VPS13B: variants seen among roughly 807,000 people sequenced by gnomAD.
VPS13B encodes the protein vacuolar protein sorting 13 homolog B, also known as intermembrane lipid transfer protein VPS13B.
A neutral mutation model predicts 426.4 loss-of-function variants in VPS13B; 285 were observed. The ratio of observed to expected loss-of-function variants is 0.67; its 90% confidence interval spans 0.61 to 0.74. The LOEUF (loss-of-function observed/expected upper bound fraction) is 0.74, where lower values mean the gene tolerates loss of function less well. Ranked by LOEUF, VPS13B falls within the 30% of genes least tolerant of loss-of-function variation. VPS13B has a pLI of 0.00. For missense variants in VPS13B, 4,537 were observed against 4,782.6 expected (o/e 0.95, Z 1.51); for synonymous variants, 1,676 against 1,676.4 (o/e 1.00, Z 0.01).
chr8:99,335,120 TC>T (rs771709049), intron 19 of VPS13B, among the ~76,000 whole-genome samples: 111 of 152,222 alleles, frequency 7.3e-4, no homozygotes, highest in Non-Finnish European at 1.2e-3. Flanking sequence ...ATCCATTTCT[TC>T]TAGATTTTCT....
chr8:99,652,318 G>A (rs183333256), intron 34 of VPS13B, among the ~76,000 whole-genome samples: 23 of 152,168 alleles, frequency 1.5e-4, no homozygotes, highest in African/African-American at 5.5e-4. Flanking sequence ...GAATAATACT[G>A]GTAGCAGCCT....
intron 23 of VPS13B, among the ~76,000 whole-genome samples, chr8:99,458,636 T>C (rs1818652455): frequency 6.6e-6 from 1 of 152,358 alleles, no homozygotes; most frequent in South Asian, 2.1e-4. Flanking sequence ...TGGTATCTCA[T>C]TGTGGTTTTG....
intron 43 of VPS13B, among the ~76,000 whole-genome samples, chr8:99,797,888 A>G (rs1812933185): frequency 1.3e-5 from 2 of 152,172 alleles, no homozygotes; most frequent in South Asian, 2.1e-4. Flanking sequence ...AATTTGCCAC[A>G]TATTGTCTTT....
chr8:99,186,434 A>G (rs1813225389), intron 16 of VPS13B, among the ~76,000 whole-genome samples: 1 of 152,082 alleles, frequency 6.6e-6, no homozygotes, highest in African/African-American at 2.4e-5. Context: ...TTTGAGGTGA[A>G]TATGGTATAA....
intron 13 of VPS13B, among the ~76,000 whole-genome samples, chr8:99,143,806 C>T (rs888671610): frequency 1.3e-5 from 2 of 152,234 alleles, no homozygotes; most frequent in South Asian, 2.1e-4. Flanking sequence ...CTCTACAATA[C>T]GTTTAGTTAC....
intron 17 of VPS13B, among the ~76,000 whole-genome samples, chr8:99,244,337 A>T (rs1319921497): frequency 1.3e-5 from 2 of 152,250 alleles, no homozygotes; most frequent in Non-Finnish European, 2.9e-5. Context: ...ACTGGTATTA[A>T]AAAAGCAATG....
chr8:99,100,053 T>C (rs982891543), intron 4 of VPS13B, among the ~76,000 whole-genome samples: 13 of 152,318 alleles, frequency 8.5e-5, no homozygotes, highest in African/African-American at 2.9e-4. Flanking sequence ...TTAGATCTAC[T>C]TGACACTATC....
chr8:99,550,615 CTCTT>C (rs1315978203), intron 30 of VPS13B, among the ~76,000 whole-genome samples: 1 of 151,372 alleles, frequency 6.6e-6, no homozygotes, highest in Admixed American at 6.6e-5. Context: ...ATATCCTTCC[CTCTT>C]TCTTTTAGTT....
intron 17 of VPS13B, among the ~76,000 whole-genome samples, chr8:99,239,933 A>G (rs2132882770): frequency 6.6e-6 from 1 of 152,332 alleles, no homozygotes; most frequent in South Asian, 2.1e-4. Flanking sequence ...TTAAAATAAT[A>G]CTTAATAAAG....
intron 33 of VPS13B, among the ~76,000 whole-genome samples, chr8:99,603,515 G>A (rs1827422620): frequency 6.6e-6 from 1 of 152,156 alleles, no homozygotes; most frequent in African/African-American, 2.4e-5. Context: ...AGGGTTACTT[G>A]AACACAGCAC....
chr8:99,452,806 G>C (rs1818265179), intron 23 of VPS13B, among the ~76,000 whole-genome samples: 1 of 152,132 alleles, frequency 6.6e-6, no homozygotes, highest in Non-Finnish European at 1.5e-5. Context: ...GATTTCAATT[G>C]CTGTGGAAAG....
At chr8:99,577,416 A>G (rs924697917) in intron 32 of VPS13B, 74 bp from the exon 33 acceptor site, 2 of 1,601,708 alleles carry the variant, frequency 1.2e-6, no homozygotes, top group South Asian at 2.2e-5. Flanking sequence ...TGAAGGTCAA[A>G]TAAGTAAGAA....
At chr8:99,665,285 G>A (rs531582009) in intron 35 of VPS13B, among the ~76,000 whole-genome samples, 3 of 152,154 alleles carry the variant, frequency 2.0e-5, no homozygotes, top group African/African-American at 7.2e-5. Flanking sequence ...TCACTCTGAT[G>A]GTAGTTTCTT....
intron 3 of VPS13B, among the ~76,000 whole-genome samples, chr8:99,087,834 T>G (rs1342724472): frequency 2.6e-5 from 4 of 152,124 alleles, no homozygotes; most frequent in African/African-American, 9.7e-5. Context: ...TCAGCTTTCC[T>G]GTGCACATAT....
chr8:99,477,631 C>G (rs1376290354), intron 24 of VPS13B, among the ~76,000 whole-genome samples: 1 of 152,178 alleles, frequency 6.6e-6, no homozygotes, highest in African/African-American at 2.4e-5. Flanking sequence ...GACCCTTGTA[C>G]ACTATTGAAT....
intron 17 of VPS13B, among the ~76,000 whole-genome samples, chr8:99,249,271 A>G (rs1394970821): frequency 6.6e-6 from 1 of 152,114 alleles, no homozygotes; most frequent in African/African-American, 2.4e-5. Flanking sequence ...TAAATCATTT[A>G]TCTGTTGAAG....
chr8:99,337,945 C>A (rs1811018444), intron 19 of VPS13B, among the ~76,000 whole-genome samples: 1 of 151,922 alleles, frequency 6.6e-6, no homozygotes, highest in Non-Finnish European at 1.5e-5. Context: ...ATTAAAGCAT[C>A]ATGTGTTGAA....
chr8:99,820,821 G>A (rs1202456499), intron 49 of VPS13B, among the ~76,000 whole-genome samples: 1 of 151,828 alleles, frequency 6.6e-6, no homozygotes, highest in Non-Finnish European at 1.5e-5. Context: ...TGAGCTCCAG[G>A]TCATAAACAT....
intron 41 of VPS13B, 99 bp downstream of exon 41, chr8:99,777,055 TTTC>T (rs1811776471): frequency 2.1e-6 from 3 of 1,448,752 alleles, no homozygotes; most frequent in South Asian, 2.3e-5. Context: ...GATAATGTAT[TTTC>T]AGGAAGTATA....
Sources: gnomAD v4.1 joint callset for allele counts (sites outside exome capture counted in the v4.1 genomes callset) on GRCh38, gnomAD v4.1.1 for gene constraint, MANE v1.5 for transcripts, NCBI Gene and HGNC (gene_info 2026-07-23, HGNC 2026-07-21) for gene names.